RGS6: variants seen among roughly 807,000 people sequenced by gnomAD.
RGS6 encodes regulator of G protein signaling 6, also known as regulator of G-protein signaling 6.
A neutral mutation model predicts 78.5 loss-of-function variants in RGS6; 30 were observed. That is an observed-to-expected ratio of 0.38 (90% confidence interval 0.29 to 0.52). The LOEUF is 0.52. RGS6 is among the 20% of genes least tolerant of loss of function. The pLI is 0.85. For synonymous variants in RGS6, 206 were observed against 206.0 expected (o/e 1.00, Z 0.00); for missense variants, 495 against 609.7 (o/e 0.81, Z 1.98).
chr14:72,551,744 G>A (rs1425213674), intron 17 of RGS6, among the ~76,000 whole-genome samples: 1 of 152,226 alleles, frequency 6.6e-6, no homozygotes, highest in Non-Finnish European at 1.5e-5. Flanking sequence ...GGCATTCAAT[G>A]AGGATGTGAT....
At chr14:71,927,863 T>A (rs1177331581), upstream of RGS6, among the ~76,000 whole-genome samples, 8 of 151,960 alleles carry the variant, frequency 5.3e-5, no homozygotes, top group Admixed American at 5.2e-4. Context: ...TTTCACCGTG[T>A]TAGCCAGGAT....
At chr14:72,318,628 A>G (rs988445132) in intron 2 of RGS6, among the ~76,000 whole-genome samples, 4 of 152,218 alleles carry the variant, frequency 2.6e-5, no homozygotes, top group Non-Finnish European at 4.4e-5. Context: ...GCTAAGAGAC[A>G]ATCACTATGA....
chr14:72,443,522 C>CTGCA (rs1268480891), intron 3 of RGS6, among the ~76,000 whole-genome samples: 2 of 152,232 alleles, frequency 1.3e-5, no homozygotes, highest in Non-Finnish European at 2.9e-5. Flanking sequence ...TAACTATGGC[C>CTGCA]TGCAGCCCTG....
At chr14:72,559,466 C>T (rs1295442181) in intron 17 of RGS6, among the ~76,000 whole-genome samples, 2 of 152,238 alleles carry the variant, frequency 1.3e-5, no homozygotes, top group Non-Finnish European at 2.9e-5. Context: ...CCCTCACTCA[C>T]GCGGGAGGTC....
At chr14:72,001,419 C>T (rs12884202) in intron 2 of RGS6, among the ~76,000 whole-genome samples, 14 of 150,986 alleles carry the variant, frequency 9.3e-5, no homozygotes, top group Non-Finnish European at 1.8e-4. Flanking sequence ...GCCCAAATCC[C>T]AAAAGGAACT....
chr14:72,532,138 C>G (rs564012938), intron 15 of RGS6, among the ~76,000 whole-genome samples: 14 of 152,226 alleles, frequency 9.2e-5, no homozygotes, highest in Non-Finnish European at 2.1e-4. Context: ...ACAAGTCTAT[C>G]AGCACCATTT....
chr14:71,993,952 C>G (rs1041962045), intron 2 of RGS6, among the ~76,000 whole-genome samples: 1 of 151,356 alleles, frequency 6.6e-6, no homozygotes, highest in African/African-American at 2.4e-5. Context: ...ATCTTAGCCT[C>G]TAGGACAGAA....
At position 72,499,965 on chromosome 14, in the gene RGS6, G is replaced by A. The variant is rs116524694; in HGVS notation, c.965+4703G>A. Among the ~76,000 whole-genome samples, 654 of 152,310 alleles carry A rather than the reference G, an allele frequency of 4.3e-3. 5 individuals carry two copies. Among genetic ancestry groups the A allele is most frequent in the African/African-American group, 0.015 (623 of 41,570 alleles). Reference sequence around the variant, plus strand: ...GCACCGTGTGGGCTGGAGGGAGGATGGATGAACAAGTCATTCTTTATTTGA... The same window carrying A: ...GCACCGTGTGGGCTGGAGGGAGGATAGATGAACAAGTCATTCTTTATTTGA... On this transcript the variant is annotated intron_variant, in intron 13 of 17. Transcript: ENST00000553525.
At chr14:72,012,637 A>G (rs2086017140) in intron 2 of RGS6, among the ~76,000 whole-genome samples, 1 of 152,184 alleles carries the variant, frequency 6.6e-6, no homozygotes, top group Admixed American at 6.5e-5. Context: ...CAAGATTCCT[A>G]AAAGTAGCAC....
intron 16 of RGS6, 54 bp from the exon 17 acceptor site, chr14:72,539,987 G>A: frequency 6.8e-7 from 1 of 1,471,954 alleles, no homozygotes; most frequent in Middle Eastern, 1.8e-4. Flanking sequence ...CGTATAAGCT[G>A]AAGATTTTTT....
intron 2 of RGS6, among the ~76,000 whole-genome samples, chr14:72,262,563 C>T (rs913348742): frequency 1.3e-5 from 2 of 152,122 alleles, no homozygotes; most frequent in Non-Finnish European, 2.9e-5. Flanking sequence ...ATTAAGGTTT[C>T]AACATATAAA....
chr14:72,538,049 A>G (rs1186030132), intron 16 of RGS6, among the ~76,000 whole-genome samples: 1 of 152,244 alleles, frequency 6.6e-6, no homozygotes, highest in Non-Finnish European at 1.5e-5. Flanking sequence ...TTCTTGAGAC[A>G]GAAAGCCCTT....
chr14:72,579,501 C>G, the RGS6 span, among the ~76,000 whole-genome samples: 1 of 152,180 alleles, frequency 6.6e-6, no homozygotes, highest in Non-Finnish European at 1.5e-5. Context: ...AATGTCTAGT[C>G]CTATTGTCGT....
At chr14:71,978,184 G>A (rs1170082206) in intron 2 of RGS6, among the ~76,000 whole-genome samples, 7 of 135,376 alleles carry the variant, frequency 5.2e-5, no homozygotes, top group African/African-American at 1.5e-4. Context: ...GGGTTTTCTA[G>A]ATATACAATC....
At chr14:72,342,534 T>C (rs936336530) in intron 2 of RGS6, among the ~76,000 whole-genome samples, 1 of 147,376 alleles carries the variant, frequency 6.8e-6, no homozygotes, top group Non-Finnish European at 1.5e-5. Context: ...TACTCTAGCC[T>C]GGGTGACAAA....
At chr14:71,924,304 A>C in the RGS6 span, among the ~76,000 whole-genome samples, 2 of 152,226 alleles carry the variant, frequency 1.3e-5, no homozygotes, top group African/African-American at 4.8e-5. Context: ...GGTGTACAGC[A>C]TGATGTTGTA....
chr14:72,619,078 C>G, the RGS6 span, among the ~76,000 whole-genome samples: 1 of 152,194 alleles, frequency 6.6e-6, no homozygotes, highest in Admixed American at 6.5e-5. Flanking sequence ...CAACTTCCTT[C>G]CGGTAGAGAC....
At chr14:72,373,901 C>G (rs2084039450) in intron 3 of RGS6, among the ~76,000 whole-genome samples, 1 of 151,236 alleles carries the variant, frequency 6.6e-6, no homozygotes. Context: ...ATTATGAAAA[C>G]AATTTTTATA....
intron 2 of RGS6, among the ~76,000 whole-genome samples, chr14:72,179,160 G>C (rs542394094): frequency 6.6e-6 from 1 of 152,328 alleles, no homozygotes; most frequent in East Asian, 1.9e-4. Flanking sequence ...CATTGGAACA[G>C]ATTATTCCAA....
Sources: gnomAD v4.1 joint callset for allele counts (sites outside exome capture counted in the v4.1 genomes callset) on GRCh38, gnomAD v4.1.1 for gene constraint, MANE v1.5 for transcripts, NCBI Gene and HGNC (gene_info 2026-07-23, HGNC 2026-07-21) for gene names.